Variants in RPTOR observed in about 807,000 individuals in gnomAD.
The protein encoded by RPTOR is regulatory associated protein of MTOR complex 1.
RPTOR carries 21 observed loss-of-function variants against 169.9 expected under a neutral mutation model. The observed-to-expected ratio is 0.12, with a 90% CI of 0.09 to 0.18. RPTOR has a LOEUF of 0.18. Ranked by LOEUF, RPTOR falls within the 10% of genes least tolerant of loss-of-function variation. The pLI is 1.00. For synonymous variants in RPTOR, 732 were observed against 753.2 expected (o/e 0.97, Z 0.46); for missense variants, 1,133 against 1,855.9 (o/e 0.61, Z 7.16).
At chr17:80,795,088 G>A (rs1298557046) in intron 7 of RPTOR, among the ~76,000 whole-genome samples, 2 of 152,212 alleles carry the variant, frequency 1.3e-5, no homozygotes, top group African/African-American at 4.8e-5. Flanking sequence ...AAAACACCAC[G>A]AGAGTGAGCA....
chr17:80,810,923 A>C (rs191433387), intron 7 of RPTOR, among the ~76,000 whole-genome samples: 1 of 152,200 alleles, frequency 6.6e-6, no homozygotes, highest in South Asian at 2.1e-4. Flanking sequence ...TTGCATAGTG[A>C]CCTCATTTCC....
intron 20 of RPTOR, among the ~76,000 whole-genome samples, chr17:80,902,586 C>A (rs1598390553): frequency 6.6e-6 from 1 of 152,260 alleles, no homozygotes; most frequent in East Asian, 1.9e-4. Context: ...GGCCCCCAGC[C>A]CATGCGTCTG....
At position 80,936,696 on chromosome 17, in the gene RPTOR, C is replaced by T. The variant is rs539130695; in HGVS notation, c.2920-3800C>T. Among the ~76,000 whole-genome samples, 2 of 152,280 alleles carry T rather than the reference C, an allele frequency of 1.3e-5. No individual in the cohort carries two copies. Among genetic ancestry groups the T allele is most frequent in the East Asian group, 3.9e-4 (2 of 5,186 alleles). ...ACATTTATCAAAACTCCGCCTGTAC[C>T]TACAGAGGGCGAAATTCACTGTACG... On this transcript the variant is annotated intron_variant, in intron 24 of 33. Coordinates refer to ENST00000306801, the MANE Select transcript of RPTOR (RefSeq NM_020761.3). This position sits in a 1 kb window ranked among gnomAD's most constrained non-coding sequence, Gnocchi z 4.1.
chr17:80,836,758 G>A (rs866997082), intron 9 of RPTOR, among the ~76,000 whole-genome samples: 5 of 152,298 alleles, frequency 3.3e-5, no homozygotes, highest in African/African-American at 4.8e-5. Flanking sequence ...GGACAACACC[G>A]AGGCTCTGAC....
intron 6 of RPTOR, among the ~76,000 whole-genome samples, chr17:80,758,915 T>G (rs1449099297): frequency 1.3e-5 from 2 of 151,050 alleles, no homozygotes; most frequent in Non-Finnish European, 2.9e-5. Context: ...ATCGCTACCT[T>G]CCTGTGCCTT....
chr17:80,643,137 G>T (rs1471627460), intron 2 of RPTOR, among the ~76,000 whole-genome samples: 1 of 152,154 alleles, frequency 6.6e-6, no homozygotes, highest in Non-Finnish European at 1.5e-5. Context: ...ATTTTAGAGT[G>T]CAAAGGGGTC....
At chr17:80,666,766 G>A (rs181196490) in intron 3 of RPTOR, among the ~76,000 whole-genome samples, 49 of 152,282 alleles carry the variant, frequency 3.2e-4, no homozygotes, top group Non-Finnish European at 5.6e-4. Context: ...ATGGGTGGCC[G>A]AGCAGTCCGA....
Position 80,882,876 on chromosome 17 carries a change from G to T in RPTOR, c.1585-543G>T, listed in dbSNP as rs528114017. ...AGGCGCGTAGGACACTAGACCGCGC[G>T]ACGTGTGTGTAAAAAACTAAGGCAC... On this transcript the variant is annotated intron_variant, in intron 14 of 33. Coordinates refer to ENST00000306801, the MANE Select transcript of RPTOR (RefSeq NM_020761.3). 1.4e-4 allele frequency among the ~76,000 whole-genome samples: 21 copies of T among 152,316 alleles called. No individual in the cohort carries two copies. The South Asian group carries it at 4.4e-3, about 32-fold the overall frequency.
At chr17:80,603,875 A>G (rs2065209492) in intron 1 of RPTOR, among the ~76,000 whole-genome samples, 1 of 152,236 alleles carries the variant, frequency 6.6e-6, no homozygotes, top group Non-Finnish European at 1.5e-5. Flanking sequence ...CTGGCAGGAA[A>G]GCAGGCATTC....
chr17:80,583,182 G>GTTTTTTTTTTTTTTTTTT (rs1166711662), intron 1 of RPTOR, among the ~76,000 whole-genome samples: 3 of 79,272 alleles, frequency 3.8e-5, no homozygotes, highest in Non-Finnish European at 2.4e-5. Context: ...CCTCTTTCCT[G>GTTTTTTTTTTTTTTTTTT]TTTTTTTTTT....
At chr17:80,825,411 C>T (rs55831926) in intron 9 of RPTOR, among the ~76,000 whole-genome samples, 1 of 148,560 alleles carries the variant, frequency 6.7e-6, no homozygotes, top group Admixed American at 6.7e-5. Flanking sequence ...AGACTGCTTT[C>T]TAGGACTGGC....
intron 5 of RPTOR, among the ~76,000 whole-genome samples, 168 bp from the exon 6 acceptor site, chr17:80,753,842 T>A (rs2066654137): frequency 6.6e-6 from 1 of 151,994 alleles, no homozygotes; most frequent in Non-Finnish European, 1.5e-5. Flanking sequence ...TTACAGTCTG[T>A]CTCTGGAGAC....
chr17:80,678,623 T>C (rs989188922), intron 3 of RPTOR, among the ~76,000 whole-genome samples: 2 of 152,264 alleles, frequency 1.3e-5, no homozygotes. Context: ...TGGTTATGCC[T>C]GTTTATACTT....
intron 6 of RPTOR, among the ~76,000 whole-genome samples, chr17:80,768,212 T>C (rs979727734): frequency 1.3e-5 from 2 of 152,182 alleles, no homozygotes. Context: ...TGGTTCACGT[T>C]GGGACTTACC....
chr17:80,903,686 C>T (rs115365558), intron 20 of RPTOR, among the ~76,000 whole-genome samples: 5,279 of 152,226 alleles, frequency 0.035, 279 homozygotes, highest in African/African-American at 0.12. Flanking sequence ...TCCAAGGCAT[C>T]GAGAAGCTGA....
intron 3 of RPTOR, among the ~76,000 whole-genome samples, chr17:80,666,647 A>G (rs533033255): frequency 6.6e-6 from 1 of 152,288 alleles, no homozygotes; most frequent in Non-Finnish European, 1.5e-5. Context: ...AATAAACATC[A>G]TTCATTCATT....
At chr17:80,767,443 T>C (rs549364572) in intron 6 of RPTOR, among the ~76,000 whole-genome samples, 38 of 152,334 alleles carry the variant, frequency 2.5e-4, no homozygotes, top group African/African-American at 9.1e-4. Flanking sequence ...CATATGCCAG[T>C]AAATTCTTCA....
intron 3 of RPTOR, among the ~76,000 whole-genome samples, chr17:80,703,584 TA>T (rs917332418): frequency 2.4e-4 from 36 of 151,418 alleles, no homozygotes; most frequent in African/African-American, 7.0e-4. Context: ...TAGCATCCAT[TA>T]AAAAAAAAGT....
In RPTOR at chr17:80,957,491, A is replaced by T. The variant is rs2069267547; in HGVS notation, c.3371-133A>T. On this transcript the variant is annotated intron_variant, in intron 28 of 33. Transcript: ENST00000306801. This position sits in a 1 kb window ranked among gnomAD's most constrained non-coding sequence, Gnocchi z 4.6. ...GCGGGAGCTCATATGAGGCATATGGACCCACCAGATGGGCTCGATGGTGGC... is the reference window on the plus strand; with the variant it reads ...GCGGGAGCTCATATGAGGCATATGGTCCCACCAGATGGGCTCGATGGTGGC... 1 of 781,022 alleles carries T rather than the reference A, an allele frequency of 1.3e-6. No individual in the cohort carries two copies. The highest frequency in any genetic ancestry group is 1.7e-5 in the African/African-American group (1 of 59,020). The allele number at this position is 781,022 out of a possible 1,614,324, so 48.4% of individuals were successfully genotyped here.
Sources: gnomAD v4.1 joint callset for allele counts (sites outside exome capture counted in the v4.1 genomes callset) on GRCh38, gnomAD v4.1.1 for gene constraint, Gnocchi (gnomAD v3.1) non-coding constraint, MANE v1.5 for transcripts, NCBI Gene and HGNC (gene_info 2026-07-23, HGNC 2026-07-21) for gene names.